Variants in P4HA3 observed in about 807,000 individuals in gnomAD.
P4HA3 encodes prolyl 4-hydroxylase subunit alpha-3.
Under a neutral mutation model 66.7 loss-of-function variants are expected in P4HA3, and 60 were observed. The ratio of observed to expected loss-of-function variants is 0.90; its 90% CI spans 0.73 to 1.12. The LOEUF (loss-of-function observed/expected upper bound fraction) is 1.12. Among genes scored for constraint, P4HA3 ranks in the 50% most tolerant of loss-of-function variants. The probability of loss-of-function intolerance (pLI) is 0.00; values close to 1 mark genes in which losing one functional copy is unlikely to be tolerated. For missense variants in P4HA3, 683 were observed against 685.8 expected (o/e 1.00, Z 0.05); for synonymous variants, 263 against 274.6 (o/e 0.96, Z 0.42).
At chr11:74,288,417 T>C (rs1860876195) in intron 5 of P4HA3, among the ~76,000 whole-genome samples, 1 of 152,228 alleles carries the variant, frequency 6.6e-6, no homozygotes, top group Non-Finnish European at 1.5e-5. Flanking sequence ...TCATTCATTC[T>C]TGGGTCTGCT....
At chr11:74,256,455 G>T (rs559916002) in intron 15 of P4HA3, among the ~76,000 whole-genome samples, 36 of 152,306 alleles carry the variant, frequency 2.4e-4, no homozygotes, top group African/African-American at 8.4e-4. Context: ...GAAATGGCTT[G>T]CCCACAGCCA....
At chr11:74,251,872 C>G in intron 15 of P4HA3, 1 of 956,012 alleles carries the variant, frequency 1.0e-6, no homozygotes, top group Non-Finnish European at 1.7e-6. Flanking sequence ...ATGTCTGTTT[C>G]TACAAAGCCA....
intron 3 of P4HA3, among the ~76,000 whole-genome samples, chr11:74,301,847 T>A (rs1591134387): frequency 6.6e-6 from 1 of 152,194 alleles, no homozygotes; most frequent in Non-Finnish European, 1.5e-5. Flanking sequence ...TACTTCCAAA[T>A]GCTTAGGAAA....
intron 10 of P4HA3, 139 bp from the exon 11 acceptor site, chr11:74,269,859 A>AG: frequency 2.2e-6 from 2 of 893,962 alleles, no homozygotes. Context: ...ACAATCATCC[A>AG]ACTCAGGAGG....
At chr11:74,261,919 A>G (rs1859913201), downstream of P4HA3, among the ~76,000 whole-genome samples, 1 of 152,186 alleles carries the variant, frequency 6.6e-6, no homozygotes, top group African/African-American at 2.4e-5. Context: ...GAGCCAGGAA[A>G]CCTTGCTTCT....
At position 74,298,402 on chromosome 11, in the gene P4HA3, C is replaced by A. The variant is rs1250182660; in HGVS notation, c.568-41G>T. 2.5e-6 allele frequency: 4 copies of A among 1,578,624 alleles called. No individual in the cohort carries two copies. In the African/African-American group the frequency reaches 4.1e-5, roughly 16 times the overall value. On this transcript the variant is annotated intron_variant, in intron 3 of 12. Transcript: ENST00000331597. ...GTACCATCGCCAAAGCCTTATTCCA[C>A]AGGTAGAAAAAGAAAATGACAATTC... is the stretch of plus-strand genomic sequence containing the variant.
At chr11:74,273,480 G>C (rs1237878428) in intron 10 of P4HA3, 65 bp downstream of exon 10, 2 of 1,319,262 alleles carry the variant, frequency 1.5e-6, no homozygotes, top group East Asian at 5.5e-5. Flanking sequence ...AAATTGCTTT[G>C]AAAACAATAA....
intron 4 of P4HA3, among the ~76,000 whole-genome samples, chr11:74,292,493 G>C (rs1342618451): frequency 1.3e-5 from 2 of 152,102 alleles, no homozygotes; most frequent in Non-Finnish European, 2.9e-5. Flanking sequence ...GCTAGCTTTT[G>C]AATGTGTTTG....
intron 15 of P4HA3, among the ~76,000 whole-genome samples, chr11:74,256,127 G>T (rs1241206052): frequency 6.6e-6 from 1 of 152,184 alleles, no homozygotes. Flanking sequence ...TAGGCAGACA[G>T]GTCCAAATTC....
intron 1 of P4HA3, among the ~76,000 whole-genome samples, chr11:74,308,941 A>T (rs1176686815): frequency 6.6e-6 from 1 of 152,192 alleles, no homozygotes; most frequent in African/African-American, 2.4e-5. Flanking sequence ...CAAAGAGGTA[A>T]AGTAACTTGT....
intron 15 of P4HA3, chr11:74,254,127 C>G (rs1859775702): frequency 6.5e-6 from 1 of 153,514 alleles, no homozygotes; most frequent in Non-Finnish European, 1.5e-5. Context: ...GGTCCAAGCA[C>G]ATGGCCTCCC....
intron 15 of P4HA3, chr11:74,255,969 A>G (rs754342549): frequency 2.0e-6 from 1 of 512,466 alleles, no homozygotes; most frequent in Non-Finnish European, 3.9e-6. Flanking sequence ...TGTCCACAAG[A>G]GGGCAGCATG....
intron 7 of P4HA3, among the ~76,000 whole-genome samples, chr11:74,282,223 G>A (rs1353211998): frequency 1.3e-5 from 2 of 151,182 alleles, no homozygotes; most frequent in Admixed American, 1.3e-4. Context: ...ATCATTAATT[G>A]TCTACCTACC....
chr11:74,253,439 G>A, intron 15 of P4HA3: 1 of 1,557,230 alleles, frequency 6.4e-7, no homozygotes. Flanking sequence ...ATAAGCAAGG[G>A]AAAGCTATTG....
intron 4 of P4HA3, among the ~76,000 whole-genome samples, chr11:74,289,615 T>G (rs1591117566): frequency 8.8e-6 from 1 of 113,778 alleles, no homozygotes; most frequent in African/African-American, 3.5e-5. Context: ...CCCACAACAG[T>G]CCCTGGTGTG....
At chr11:74,285,760 G>T (rs769120825) in intron 7 of P4HA3, 49 bp downstream of exon 7, 2 of 1,573,208 alleles carry the variant, frequency 1.3e-6, no homozygotes, top group South Asian at 1.1e-5. Flanking sequence ...TGAACTCCAG[G>T]CATGTGAAGA....
intron 8 of P4HA3, among the ~76,000 whole-genome samples, 166 bp from the exon 9 acceptor site, chr11:74,277,310 C>T (rs1860434434): frequency 6.6e-6 from 1 of 152,142 alleles, no homozygotes; most frequent in Non-Finnish European, 1.5e-5. Flanking sequence ...GCCTAATTAC[C>T]TATGCATTCC....
downstream of P4HA3, among the ~76,000 whole-genome samples, chr11:74,265,130 T>C (rs1859969938): frequency 6.6e-6 from 1 of 152,222 alleles, no homozygotes; most frequent in Admixed American, 6.5e-5. Context: ...GCCATTGCTC[T>C]GATTAGCTCA....
At chr11:74,251,889 G>A (rs1859679111) in intron 15 of P4HA3, 2 of 900,450 alleles carry the variant, frequency 2.2e-6, no homozygotes, top group Non-Finnish European at 3.7e-6. Context: ...GCCATGGTTG[G>A]TTGTTTCTTT....
Sources: gnomAD v4.1 joint callset for allele counts (sites outside exome capture counted in the v4.1 genomes callset) on GRCh38, gnomAD v4.1.1 for gene constraint, MANE v1.5 for transcripts, NCBI Gene and HGNC (gene_info 2026-07-23, HGNC 2026-07-21) for gene names.